The following FAT4 variants were observed in gnomAD, a reference collection of about 807,000 sequenced individuals.
FAT4 encodes the protein FAT atypical cadherin 4.
In FAT4, 84 loss-of-function variants were observed where a neutral mutation model predicts 303.9. The ratio of observed to expected loss-of-function variants is 0.28; its 90% confidence interval spans 0.23 to 0.33. The LOEUF (loss-of-function observed/expected upper bound fraction) is 0.33. FAT4 is among the 10% of genes least tolerant of loss of function. The pLI, the probability that FAT4 is intolerant of heterozygous loss-of-function variation, is 1.00. For synonymous variants in FAT4, 2,307 were observed against 2,298.8 expected, an observed-to-expected ratio of 1.00 and a Z score of -0.10; for missense variants, 6,005 against 6,146.8, an observed-to-expected ratio of 0.98 and a Z score of 0.77.
At chr4:125,374,543 C>T (rs1196725731) in intron 2 of FAT4, among the ~76,000 whole-genome samples, 1 of 152,156 alleles carries the variant, frequency 6.6e-6, no homozygotes, top group African/African-American at 2.4e-5. Flanking sequence ...CAAAACGACC[C>T]TTACTTATTT....
At chr4:125,373,334 T>C (rs928635110) in intron 2 of FAT4, among the ~76,000 whole-genome samples, 1 of 152,126 alleles carries the variant, frequency 6.6e-6, no homozygotes, top group Non-Finnish European at 1.5e-5. Context: ...ACTTTCCTTT[T>C]TATGTTGTTT....
chr4:125,459,438 C>G (rs1303000496), intron 10 of FAT4, among the ~76,000 whole-genome samples: 3 of 152,050 alleles, frequency 2.0e-5, no homozygotes, highest in Admixed American at 6.6e-5. Context: ...TTAGGAAAGT[C>G]TGCGGATACC....
At chr4:125,331,517 A>G (rs1282915396) in intron 2 of FAT4, among the ~76,000 whole-genome samples, 2 of 152,216 alleles carry the variant, frequency 1.3e-5, no homozygotes. Flanking sequence ...AACTTCAGAA[A>G]CATTTATGGT....
chr4:125,371,875 G>T (rs1350677064), intron 2 of FAT4, among the ~76,000 whole-genome samples: 1 of 152,034 alleles, frequency 6.6e-6, no homozygotes, highest in Non-Finnish European at 1.5e-5. Context: ...TGTGACGGGG[G>T]CATCATAAAC....
chr4:125,469,507 T>A (rs566148208), intron 12 of FAT4, among the ~76,000 whole-genome samples: 1 of 152,348 alleles, frequency 6.6e-6, no homozygotes, highest in East Asian at 1.9e-4. Flanking sequence ...CAAACCTTGA[T>A]GCTAATTTAT....
At position 125,423,143 on chromosome 4, in the gene FAT4, C is replaced by T. The variant is rs139307578; in HGVS notation, c.7018+6521C>T. On this transcript the variant is annotated intron_variant, in intron 7 of 17. Transcript: ENST00000394329. Reference sequence around the variant, plus strand: ...CTGAGATTGCAATATAAAAGAAAAACCCATTTTCTGGGGAGAAATTCAAGC... The same window carrying T: ...CTGAGATTGCAATATAAAAGAAAAATCCATTTTCTGGGGAGAAATTCAAGC... Among the ~76,000 whole-genome samples, 310 of 152,252 alleles carry T rather than the reference C, an allele frequency of 2.0e-3. 1 individual carries two copies. The highest frequency in any genetic ancestry group is 7.0e-3 in the African/African-American group (291 of 41,546).
rs372611336 is a variant in FAT4, at chr4:125,451,129, G to T, written c.10119G>T (p.Leu3373Phe). ...GAGAAAAAGAAGAAAGGGTGTCTTT[G>T]AAGGTATTGGCCAAGAACTTTGGCA... is the stretch of plus-strand genomic sequence containing the variant. ...LDREKEERVS[L>F]KVLAKNFGSI... Residue 3373 changes from leucine (L) to phenylalanine (F), a missense_variant, in exon 10 of 18, where the codon TTG becomes TTT. Leu to Phe is a conservative substitution (Grantham distance 22). Transcript: ENST00000394329. 2.5e-6 allele frequency: 4 copies of T among 1,614,148 alleles called. No individual in the cohort carries two copies. Among genetic ancestry groups the T allele is most frequent in the Non-Finnish European group, 3.4e-6 (4 of 1,180,014 alleles).
Position 125,491,202 on chromosome 4 carries a change from A to G in FAT4, c.14386A>G (p.Arg4796Gly). 3 of 1,614,042 alleles carry G rather than the reference A, an allele frequency of 1.9e-6. No individual in the cohort carries two copies. Among genetic ancestry groups the G allele is most frequent in the Non-Finnish European group, 1.7e-6 (2 of 1,180,006 alleles). The change falls in exon 18 of 18, where the codon AGG (arginine) becomes GGG (glycine). Residue 4796 changes from arginine to glycine, a missense_variant. Coordinates refer to ENST00000394329, the MANE Select transcript of FAT4 (RefSeq NM_001291303.3). ...PVGLSIEEVE[R>G]LNTPRPRNPS... ...CGGACTTTCTATTGAAGAAGTGGAG[A>G]GGCTCAACACACCTCGCCCTAGAAA... is the stretch of plus-strand genomic sequence containing the variant.
At chr4:125,420,546 T>C (rs192178972) in intron 7 of FAT4, among the ~76,000 whole-genome samples, 41 of 152,346 alleles carry the variant, frequency 2.7e-4, no homozygotes, top group Middle Eastern at 3.4e-3. Context: ...GTGCAAATCA[T>C]TTTTAATTCA....
At chr4:125,455,765 T>A (rs1436789023) in intron 10 of FAT4, among the ~76,000 whole-genome samples, 1 of 152,214 alleles carries the variant, frequency 6.6e-6, no homozygotes, top group South Asian at 2.1e-4. Flanking sequence ...AAGAATGTTT[T>A]GTCCATCATT....
At chr4:125,412,805 A>G (rs1401450169) in intron 5 of FAT4, among the ~76,000 whole-genome samples, 1 of 151,874 alleles carries the variant, frequency 6.6e-6, no homozygotes, top group Admixed American at 6.6e-5. Context: ...GAAAGATTTT[A>G]TATGCTTCTC....
At chr4:125,391,879 G>A (rs1462540767) in intron 2 of FAT4, among the ~76,000 whole-genome samples, 1 of 151,986 alleles carries the variant, frequency 6.6e-6, no homozygotes, top group Non-Finnish European at 1.5e-5. Flanking sequence ...TATTACATTT[G>A]CTGAATATGG....
At chr4:125,462,431 C>T (rs1194931903) in intron 10 of FAT4, among the ~76,000 whole-genome samples, 2 of 151,808 alleles carry the variant, frequency 1.3e-5, no homozygotes, top group Non-Finnish European at 1.5e-5. Flanking sequence ...CAATCCTACT[C>T]TCAATGAAAA....
At position 125,477,354 on chromosome 4, in the gene FAT4, T is replaced by G; in HGVS notation, c.12479+20T>G. 6.5e-7 allele frequency: 1 copy of G among 1,528,320 alleles called. No homozygotes were observed. The highest frequency in any genetic ancestry group is 8.8e-7 in the Non-Finnish European group (1 of 1,133,062). 94.7% of individuals were successfully genotyped at this position (1,528,320 alleles called of 1,614,324 possible). A position where few individuals can be genotyped will look rare whatever the true frequency, so the allele number is the denominator to read the frequency against. ...AGATCAGTATGGCGATTTTATTTCT[T>G]ACTGTTTTAAAGAAAAAAAATGCAA... On this transcript the variant is annotated intron_variant, in intron 14 of 17. Transcript: ENST00000394329.
chr4:125,468,652 A>C lies in FAT4; in HGVS notation c.12046A>C (p.Asn4016His), dbSNP rs1341658250. 6.2e-7 allele frequency: 1 copy of C among 1,614,126 alleles called. No homozygotes were observed. The highest frequency in any genetic ancestry group is 1.7e-5 in the Admixed American group (1 of 60,012). ...TIKSHALLLY[N>H]YDNQTGDRAE... is the part of the protein sequence containing the mutation. ...TAAAAGTCATGCCTTATTGCTTTAC[A>C]ACTATGACAACCAGACAGGCGACCG... Residue 4016 changes from asparagine to histidine, a missense_variant, in exon 12 of 18, where the codon AAC becomes CAC. Asn to His is a moderately conservative substitution (Grantham distance 68). Transcript: ENST00000394329.
intron 2 of FAT4, among the ~76,000 whole-genome samples, chr4:125,384,569 T>C (rs938486650): frequency 6.6e-6 from 1 of 152,132 alleles, no homozygotes; most frequent in African/African-American, 2.4e-5. Flanking sequence ...CCCTTTCAGA[T>C]ATATGACTTG....
intron 5 of FAT4, among the ~76,000 whole-genome samples, chr4:125,411,248 A>G (rs1317319545): frequency 6.6e-6 from 1 of 152,042 alleles, no homozygotes; most frequent in Non-Finnish European, 1.5e-5. Flanking sequence ...ATGATTTCAT[A>G]AACATAAATC....
At chr4:125,471,631 A>C (rs1043461683) in intron 12 of FAT4, among the ~76,000 whole-genome samples, 16 of 151,952 alleles carry the variant, frequency 1.1e-4, no homozygotes, top group African/African-American at 3.9e-4. Context: ...TTTATTCTTT[A>C]TTTATCTTCA....
chr4:125,397,450 T>C (rs1734229260), intron 2 of FAT4, among the ~76,000 whole-genome samples: 1 of 152,066 alleles, frequency 6.6e-6, no homozygotes, highest in Non-Finnish European at 1.5e-5. Context: ...GGGCATTTCC[T>C]TAAAGGAAAT....
Sources: allele counts gnomAD v4.1 joint callset (sites outside exome capture counted in the v4.1 genomes callset), GRCh38; gene constraint gnomAD v4.1.1; transcripts MANE v1.5; gene names NCBI Gene and HGNC (gene_info 2026-07-23, HGNC 2026-07-21).